The following CWH43 variants were observed in gnomAD, a reference collection of about 807,000 sequenced individuals.
CWH43 encodes cell wall biogenesis 43 C-terminal homolog, also known as PGAP2-interacting protein.
CWH43 carries 91 observed loss-of-function variants against 85.7 expected under a neutral mutation model. The observed-to-expected ratio is 1.06, with a 90% CI of 0.90 to 1.26. The LOEUF (loss-of-function observed/expected upper bound fraction) is 1.26, where lower values mean the gene tolerates loss of function less well. Among genes scored for constraint, CWH43 ranks in the 50% most tolerant of loss-of-function variants. CWH43 has a pLI of 0.00. For missense variants in CWH43, 869 were observed against 839.2 expected (o/e 1.04, Z -0.44); for synonymous variants, 323 against 293.6 (o/e 1.10, Z -1.02).
At chr4:49,009,152 G>C (rs1451519491) in intron 8 of CWH43, among the ~76,000 whole-genome samples, 7 of 152,020 alleles carry the variant, frequency 4.6e-5, no homozygotes, top group Non-Finnish European at 8.8e-5. Context: ...TTATTTCATT[G>C]AGCAGTGGTT....
At chr4:49,043,879 G>C (rs562085064) in intron 13 of CWH43, among the ~76,000 whole-genome samples, 2 of 151,484 alleles carry the variant, frequency 1.3e-5, no homozygotes, top group Non-Finnish European at 2.9e-5. Flanking sequence ...GTATACAAAA[G>C]GTATATGTAT....
chr4:49,021,682 C>A (rs962780471), intron 9 of CWH43, among the ~76,000 whole-genome samples: 1 of 152,276 alleles, frequency 6.6e-6, no homozygotes, highest in East Asian at 1.9e-4. Context: ...CATCCATGAG[C>A]ATGGATATGT....
chr4:48,996,507 T>A (rs1481087450), intron 5 of CWH43, among the ~76,000 whole-genome samples: 1 of 152,230 alleles, frequency 6.6e-6, no homozygotes, highest in Non-Finnish European at 1.5e-5. Flanking sequence ...TTATTTCATT[T>A]AGAGTCTGTA....
chr4:49,048,554 G>C (rs1167217215), intron 14 of CWH43, among the ~76,000 whole-genome samples: 1 of 151,990 alleles, frequency 6.6e-6, no homozygotes, highest in Non-Finnish European at 1.5e-5. Flanking sequence ...GTACCAGCAG[G>C]GTTGGTGTCT....
rs1782491437 is a variant in CWH43, at chr4:48,986,300, G to C, written c.-130G>C. On this transcript the variant is annotated 5_prime_UTR_variant, in exon 1 of 16. Transcript: ENST00000226432. ...AGTTGGCTGGGGCTCACTTGGCAAC[G>C]GGACGCGGGAACGAGGGGCGCGGAC... The C allele has an allele frequency of 7.9e-6, 7 of 888,138 alleles. No homozygotes were observed. Among genetic ancestry groups the C allele is most frequent in the Middle Eastern group, 3.5e-4 (1 of 2,826 alleles). 55.0% of individuals were successfully genotyped at this position (888,138 alleles called of 1,614,324 possible). A position where few individuals can be genotyped will look rare whatever the true frequency, so the allele number is the denominator to read the frequency against.
At chr4:49,010,087 CT>C (rs1018263174) in intron 8 of CWH43, among the ~76,000 whole-genome samples, 1 of 152,142 alleles carries the variant, frequency 6.6e-6, no homozygotes, top group African/African-American at 2.4e-5. Flanking sequence ...TAGAATTCGG[CT>C]GTGAATCCTT....
chr4:49,020,550 T>TTC (rs1273186122), intron 9 of CWH43, among the ~76,000 whole-genome samples: 1 of 152,064 alleles, frequency 6.6e-6, no homozygotes, highest in Admixed American at 6.6e-5. Context: ...ATATAATGAC[T>TTC]TCTCTTCCTC....
chr4:49,030,827 G>A lies in CWH43; in HGVS notation c.1375G>A (p.Ala459Thr), dbSNP rs377121942. ...GCTACTTTTTTTTTTCTGAACAGGTGCAGATTTCATAACAATTTTGGAGAG... is the reference window on the plus strand; with the variant it reads ...GCTACTTTTTTTTTTCTGAACAGGTACAGATTTCATAACAATTTTGGAGAG... ...RSAHLLNETG[A>T]DFITILESDA... Residue 459 changes from alanine (A) to threonine (T), a missense_variant and splice_region_variant, in exon 11 of 16, where the codon GCA (alanine) becomes ACA (threonine). By Grantham distance (58) the Ala-to-Thr change is moderately conservative. Around this residue, in one of 3 missense-constraint regions of CWH43, gnomAD observed 577 missense variants for 513.1 expected, o/e 1.12. Transcript: ENST00000226432. 1.3e-6 allele frequency: 2 copies of A among 1,568,576 alleles called. No homozygotes were observed. The highest frequency in any genetic ancestry group is 1.7e-6 in the Non-Finnish European group (2 of 1,164,376).
At chr4:49,016,844 C>G in intron 8 of CWH43, 1 of 780,762 alleles carries the variant, frequency 1.3e-6, no homozygotes, top group Non-Finnish European at 2.4e-6. Context: ...GTTCATCTGA[C>G]TCCCCAAAGA....
intron 9 of CWH43, among the ~76,000 whole-genome samples, chr4:49,027,133 G>C (rs1783940991): frequency 6.6e-6 from 1 of 152,234 alleles, no homozygotes; most frequent in African/African-American, 2.4e-5. Flanking sequence ...GATGCAAGGA[G>C]ATAAGTTCTG....
rs1223472952 is a variant in CWH43 at position 49,029,449 on chromosome 4, C to T, written c.1372+715C>T. On this transcript the variant is annotated intron_variant, in intron 10 of 15. Coordinates refer to ENST00000226432, the MANE Select transcript of CWH43 (RefSeq NM_025087.3). ...AGCTTGGGTATTGTCCAAGGTTTCC[C>T]CCCACTGAGACTGCCTGAGATATGG... 2.0e-5 allele frequency among the ~76,000 whole-genome samples: 3 copies of T among 152,180 alleles called. 1 individual carries two copies. Among genetic ancestry groups the T allele is most frequent in the Admixed American group, 2.0e-4 (3 of 15,286 alleles).
Position 49,061,947 on chromosome 4 carries a change from A to G in CWH43, c.*57A>G. On this transcript the variant is annotated 3_prime_UTR_variant, in exon 16 of 16. Coordinates refer to ENST00000226432, the MANE Select transcript of CWH43 (RefSeq NM_025087.3). ...AAATCTAAGAAAAAAAGTATGTAAG[A>G]TAAAAAGAAGAGATTAATGAAAGTG... The G allele has an allele frequency of 8.2e-7, 1 of 1,224,942 alleles. No homozygotes were observed. The highest frequency in any genetic ancestry group is 1.1e-6 in the Non-Finnish European group (1 of 929,024). The allele number at this position is 1,224,942 out of a possible 1,614,324, so 75.9% of individuals were successfully genotyped here. A position where few individuals can be genotyped will look rare whatever the true frequency, so the allele number is the denominator to read the frequency against.
chr4:49,037,569 C>CA (rs5858140), intron 12 of CWH43, among the ~76,000 whole-genome samples: 85,813 of 142,208 alleles, frequency 0.6, 27,375 homozygotes, highest in Middle Eastern at 0.79. Flanking sequence ...GACTCTGTCT[C>CA]AAAAAAAAAA....
Position 49,032,710 on chromosome 4 carries a change from C to A in CWH43, c.1653C>A (p.Asn551Lys). Residue 551 changes from asparagine (N) to lysine (K), a missense_variant, in exon 12 of 16, where the codon AAC becomes AAA. Transcript: ENST00000226432. Reference protein sequence around the residue: ...LVDFVVTHFGNHEDDLDRKLQ... With the variant: ...LVDFVVTHFGKHEDDLDRKLQ... Reference sequence around the variant, plus strand: ...ATTTTGTCGTGACACACTTTGGGAACCACGAGTGGGTTTCTTTGGCCCACC... The same window carrying A: ...ATTTTGTCGTGACACACTTTGGGAAACACGAGTGGGTTTCTTTGGCCCACC... 1 of 1,613,984 alleles carries A rather than the reference C, an allele frequency of 6.2e-7. No individual in the cohort carries two copies. The highest frequency in any genetic ancestry group is 8.5e-7 in the Non-Finnish European group (1 of 1,179,868).
intron 8 of CWH43, among the ~76,000 whole-genome samples, chr4:49,009,723 A>G (rs1399599116): frequency 1.3e-5 from 2 of 152,112 alleles, no homozygotes; most frequent in African/African-American, 2.4e-5. Context: ...TTCTGCATCT[A>G]TTGAGATAAT....
intron 15 of CWH43, among the ~76,000 whole-genome samples, chr4:49,054,287 G>A (rs1160543222): frequency 2.0e-5 from 3 of 151,924 alleles, no homozygotes; most frequent in Non-Finnish European, 4.4e-5. Flanking sequence ...TGTGTGTTTG[G>A]GGTACCTTTG....
intron 3 of CWH43, 115 bp downstream of exon 3, chr4:48,991,689 A>T: frequency 7.9e-7 from 1 of 1,269,328 alleles, no homozygotes; most frequent in South Asian, 1.5e-5. Context: ...GCTTTGTCAA[A>T]GTCTCCTTTT....
chr4:49,050,230 G>T (rs1208802863), intron 14 of CWH43, among the ~76,000 whole-genome samples: 2 of 152,194 alleles, frequency 1.3e-5, no homozygotes, highest in African/African-American at 4.8e-5. Flanking sequence ...GGAATTGAAA[G>T]CTCTAAGCCA....
chr4:48,989,438 T>C (rs1782588990), intron 2 of CWH43, among the ~76,000 whole-genome samples: 1 of 152,174 alleles, frequency 6.6e-6, no homozygotes, highest in African/African-American at 2.4e-5. Context: ...ATTACAAATA[T>C]GCATATTTCA....
Sources: allele counts gnomAD v4.1 joint callset (sites outside exome capture counted in the v4.1 genomes callset), GRCh38; gene constraint gnomAD v4.1.1; regional missense constraint gnomAD v4.1.1; transcripts MANE v1.5; gene names NCBI Gene and HGNC (gene_info 2026-07-23, HGNC 2026-07-21).